The following VEPH1 variants were observed in gnomAD, a reference collection of about 807,000 sequenced individuals.
The protein encoded by VEPH1 is ventricular zone expressed PH domain containing 1, also known as ventricular zone-expressed PH domain-containing protein homolog 1.
Under a neutral mutation model 85.2 loss-of-function variants are expected in VEPH1, and 80 were observed. The observed-to-expected ratio is 0.94, with a 90% CI of 0.78 to 1.13. The LOEUF is 1.13. VEPH1 is among the 50% of genes most tolerant of loss of function. VEPH1 has a pLI of 0.00. For synonymous variants in VEPH1, 297 were observed against 348.0 expected (o/e 0.85, Z 1.63); for missense variants, 955 against 980.5 (o/e 0.97, Z 0.35).
At position 157,313,769 on chromosome 3, in the gene VEPH1, A is replaced by T. The variant is rs780427682; in HGVS notation, c.1876-14T>A. 1 of 1,614,030 alleles carries T rather than the reference A, an allele frequency of 6.2e-7. No individual in the cohort carries two copies. The highest frequency in any genetic ancestry group is 1.7e-5 in the Admixed American group (1 of 60,022). On this transcript the variant is annotated splice_polypyrimidine_tract_variant and intron_variant, in intron 10 of 13. Coordinates refer to ENST00000362010, the MANE Select transcript of VEPH1 (RefSeq NM_001167912.2). Reference sequence around the variant, plus strand: ...AGGAAACAGGCTCTGAAAGGGCATTAAAGACAGAAACAGAATATACTATGT... The same window carrying T: ...AGGAAACAGGCTCTGAAAGGGCATTTAAGACAGAAACAGAATATACTATGT...
In VEPH1 at chr3:157,351,731, T is replaced by G. The variant is rs182639114; in HGVS notation, c.1735+11633A>C. Among the ~76,000 whole-genome samples, 186 of 152,208 alleles carry G rather than the reference T, an allele frequency of 1.2e-3. 1 individual carries two copies. The highest frequency in any genetic ancestry group is 3.9e-3 in the African/African-American group (161 of 41,534). ...TCTGAATTTCTAACAAGTACCCAGG[T>G]GATGTTGATGTTGTTGGTCCATGGA... On this transcript the variant is annotated intron_variant, in intron 9 of 13. Transcript: ENST00000362010.
chr3:157,312,065 T>C (rs901504365), intron 11 of VEPH1, among the ~76,000 whole-genome samples: 1 of 152,202 alleles, frequency 6.6e-6, no homozygotes, highest in East Asian at 1.9e-4. Context: ...TTTAAAAATA[T>C]TATGTTAGTT....
At chr3:157,362,783 G>A (rs933638992) in intron 9 of VEPH1, among the ~76,000 whole-genome samples, 3 of 152,138 alleles carry the variant, frequency 2.0e-5, no homozygotes, top group Non-Finnish European at 2.9e-5. Flanking sequence ...GTAATGTTTG[G>A]TAAACTAGGT....
chr3:157,472,861 G>T lies in VEPH1; in HGVS notation c.139-2332C>A, dbSNP rs547095658. Reference sequence around the variant, plus strand: ...TAACATGATCTTGCTCTTTTTTACGGTTGTGTAATATTCCATGCTGTATAT... The same window carrying T: ...TAACATGATCTTGCTCTTTTTTACGTTTGTGTAATATTCCATGCTGTATAT... On this transcript the variant is annotated intron_variant, in intron 2 of 13. Transcript: ENST00000362010. Among the ~76,000 whole-genome samples, 21 of 151,992 alleles carry T rather than the reference G, an allele frequency of 1.4e-4. No homozygotes were observed. In the East Asian group the frequency reaches 2.5e-3, roughly 18 times the overall value.
chr3:157,335,211 GC>G (rs1269144801), intron 9 of VEPH1, among the ~76,000 whole-genome samples: 2 of 150,848 alleles, frequency 1.3e-5, no homozygotes, highest in African/African-American at 2.5e-5. Flanking sequence ...AGACCACTGG[GC>G]AACATAGTAG....
intron 9 of VEPH1, among the ~76,000 whole-genome samples, chr3:157,329,928 G>A (rs1722328036): frequency 6.6e-6 from 1 of 152,216 alleles, no homozygotes; most frequent in African/African-American, 2.4e-5. Context: ...AACAGAGGCT[G>A]TAGGAGTGTC....
chr3:157,374,776 G>T (rs1560007115), intron 7 of VEPH1, among the ~76,000 whole-genome samples: 1 of 152,222 alleles, frequency 6.6e-6, no homozygotes, highest in Admixed American at 6.5e-5. Context: ...AATGGGAAGA[G>T]AGGCACAAAG....
At chr3:157,457,826 T>C (rs1270328889) in intron 4 of VEPH1, among the ~76,000 whole-genome samples, 1 of 152,180 alleles carries the variant, frequency 6.6e-6, no homozygotes, top group Non-Finnish European at 1.5e-5. Context: ...TGAAGTTTTC[T>C]TTTTATGTTG....
At chr3:157,383,666 T>G (rs1577516339) in intron 6 of VEPH1, among the ~76,000 whole-genome samples, 1 of 152,190 alleles carries the variant, frequency 6.6e-6, no homozygotes, top group East Asian at 1.9e-4. Flanking sequence ...TAAACCCCAC[T>G]AGGGCACAGT....
chr3:157,492,151 T>C (rs972932372), intron 2 of VEPH1, among the ~76,000 whole-genome samples: 3 of 152,094 alleles, frequency 2.0e-5, no homozygotes, highest in Admixed American at 6.6e-5. Flanking sequence ...ATGGGTGACT[T>C]TGCAGGTGAG....
At chr3:157,275,955 C>T (rs1422274756) in intron 12 of VEPH1, among the ~76,000 whole-genome samples, 2 of 152,098 alleles carry the variant, frequency 1.3e-5, no homozygotes, top group Non-Finnish European at 1.5e-5. Context: ...GTCGTAGGAG[C>T]CACATTTACT....
At chr3:157,331,553 T>C (rs1461061983) in intron 9 of VEPH1, among the ~76,000 whole-genome samples, 1 of 152,118 alleles carries the variant, frequency 6.6e-6, no homozygotes, top group Non-Finnish European at 1.5e-5. Context: ...ATTTGAGAAA[T>C]TGGATTTAAC....
chr3:157,289,440 A>G (rs1577249260), intron 11 of VEPH1, among the ~76,000 whole-genome samples: 1 of 152,238 alleles, frequency 6.6e-6, no homozygotes, highest in South Asian at 2.1e-4. Context: ...GTGTTGTGCT[A>G]AAGGATATCC....
At position 157,356,672 on chromosome 3, in the gene VEPH1, A is replaced by G. The variant is rs184037245; in HGVS notation, c.1735+6692T>C. Among the ~76,000 whole-genome samples, 146 of 152,304 alleles carry G rather than the reference A, an allele frequency of 9.6e-4. 2 individuals are homozygous for G. In the South Asian group the frequency reaches 0.014, roughly 15 times the overall value. ...CAACTCTTCATCACCAACAGAGCTA[A>G]AAAATATGGATTTACTCTGTTTACT... On this transcript the variant is annotated intron_variant, in intron 9 of 13. Coordinates refer to ENST00000362010, the MANE Select transcript of VEPH1 (RefSeq NM_001167912.2).
chr3:157,372,748 T>G (rs945855643), intron 7 of VEPH1, among the ~76,000 whole-genome samples: 29 of 152,198 alleles, frequency 1.9e-4, no homozygotes, highest in Non-Finnish European at 3.2e-4. Flanking sequence ...CAGACCAATA[T>G]TTTTGTAAAA....
In VEPH1 at chr3:157,286,505, C is replaced by T; in HGVS notation, c.2128+52G>A. ...ACCTAGAAAAATGGAGCTGACAGAT[C>T]CCTGTAATTTGGGGCACAAATGGTT... On this transcript the variant is annotated intron_variant, in intron 12 of 13. Coordinates refer to ENST00000362010, the MANE Select transcript of VEPH1 (RefSeq NM_001167912.2). 4 of 1,429,282 alleles carry T rather than the reference C, an allele frequency of 2.8e-6. No individual in the cohort carries two copies. In the South Asian group the frequency reaches 3.5e-5, roughly 12 times the overall value. The allele number at this position is 1,429,282 out of a possible 1,614,324, so 88.5% of individuals were successfully genotyped here.
intron 11 of VEPH1, among the ~76,000 whole-genome samples, chr3:157,299,577 A>AG (rs1252819359): frequency 0.039 from 5,473 of 142,040 alleles, 179 homozygotes; most frequent in Middle Eastern, 0.095. Context: ...AAAAAAAAAA[A>AG]AAAGAAAGAA....
intron 11 of VEPH1, among the ~76,000 whole-genome samples, chr3:157,297,139 A>G (rs2108436391): frequency 6.6e-6 from 1 of 152,334 alleles, no homozygotes; most frequent in Admixed American, 6.5e-5. Flanking sequence ...CAAATCAAGC[A>G]AAATAAGAAG....
intron 3 of VEPH1, among the ~76,000 whole-genome samples, chr3:157,470,034 T>C (rs368565176): frequency 5.9e-5 from 9 of 152,248 alleles, no homozygotes; most frequent in African/African-American, 2.2e-4. Context: ...TTGGCACATA[T>C]TGCTTTCTTG....
Sources: allele counts gnomAD v4.1 joint callset (sites outside exome capture counted in the v4.1 genomes callset), GRCh38; gene constraint gnomAD v4.1.1; transcripts MANE v1.5; gene names NCBI Gene and HGNC (gene_info 2026-07-23, HGNC 2026-07-21).